DIP2B: variants seen among roughly 807,000 people sequenced by gnomAD.
The protein encoded by DIP2B is disco-interacting protein 2 homolog B.
DIP2B carries 76 observed loss-of-function variants against 198.0 expected under a neutral mutation model. That is an observed-to-expected ratio of 0.38 (90% CI 0.32 to 0.46). DIP2B has a LOEUF of 0.46. DIP2B is among the 20% of genes least tolerant of loss of function. The pLI is 0.99. For missense variants in DIP2B, 1,559 were observed against 1,978.4 expected (o/e 0.79, Z 4.02); for synonymous variants, 701 against 739.1 (o/e 0.95, Z 0.84).
chr12:50,677,618 G>T (rs1003348582), intron 7 of DIP2B, among the ~76,000 whole-genome samples: 1 of 152,006 alleles, frequency 6.6e-6, no homozygotes, highest in African/African-American at 2.4e-5. Flanking sequence ...CTGTCGTGGG[G>T]GTAGGGAAGG....
intron 5 of DIP2B, among the ~76,000 whole-genome samples, chr12:50,671,985 G>C (rs985278263): frequency 3.9e-5 from 6 of 152,146 alleles, no homozygotes; most frequent in African/African-American, 1.2e-4. Context: ...TATGTTTTGT[G>C]TGTGTGTTTT....
intron 35 of DIP2B, among the ~76,000 whole-genome samples, chr12:50,738,516 C>T (rs369248393): frequency 7.9e-5 from 12 of 152,092 alleles, no homozygotes; most frequent in Non-Finnish European, 1.6e-4. Flanking sequence ...CAGTGTATTG[C>T]TCTGTCACCC....
Position 50,714,602 on chromosome 12 carries a change from A to C in DIP2B, c.2851+6A>C. On this transcript the variant is annotated splice_donor_region_variant and intron_variant, in intron 23 of 37. Transcript: ENST00000301180. ...GCCCCGGCAAAAACAACCAGGTAATATGCTGGCTTCCAAGACCTGGCACTA... is the reference window on the plus strand; with the variant it reads ...GCCCCGGCAAAAACAACCAGGTAATCTGCTGGCTTCCAAGACCTGGCACTA... 1 of 1,613,990 alleles carries C rather than the reference A, an allele frequency of 6.2e-7. No individual in the cohort carries two copies. The highest frequency in any genetic ancestry group is 8.5e-7 in the Non-Finnish European group (1 of 1,179,884).
At chr12:50,625,213 G>A (rs538968431) in intron 1 of DIP2B, among the ~76,000 whole-genome samples, 15 of 152,136 alleles carry the variant, frequency 9.9e-5, no homozygotes, top group Admixed American at 7.8e-4. Flanking sequence ...ACGTCCTCTT[G>A]TTTCTCTGCA....
At position 50,592,077 on chromosome 12, in the gene DIP2B, C is replaced by T. The variant is rs558417397; in HGVS notation, c.101-33899C>T. 2.6e-5 allele frequency among the ~76,000 whole-genome samples: 4 copies of T among 151,974 alleles called. No individual in the cohort carries two copies. The South Asian group carries it at 8.3e-4, about 32-fold the overall frequency. ...GTTTTTAGTAGAGACGGGGGTCTCA[C>T]CGTGTTGACCAGGCTGGTCTCGAAC... On this transcript the variant is annotated intron_variant, in intron 1 of 37. Coordinates refer to ENST00000301180, the MANE Select transcript of DIP2B (RefSeq NM_173602.3).
chr12:50,685,715 T>C (rs1179675506), intron 10 of DIP2B, 118 bp from the exon 11 acceptor site: 3 of 1,164,120 alleles, frequency 2.6e-6, no homozygotes, highest in Non-Finnish European at 3.5e-6. Flanking sequence ...TGCCAGATAT[T>C]GGTGGGGCTC....
At chr12:50,556,821 T>G (rs1958475925) in intron 1 of DIP2B, among the ~76,000 whole-genome samples, 1 of 152,114 alleles carries the variant, frequency 6.6e-6, no homozygotes, top group Non-Finnish European at 1.5e-5. Flanking sequence ...GTGATTCTCC[T>G]GCCTCAGCCT....
chr12:50,527,297 A>T (rs1256549359), intron 1 of DIP2B, among the ~76,000 whole-genome samples: 2 of 152,218 alleles, frequency 1.3e-5, no homozygotes, highest in Non-Finnish European at 2.9e-5. Flanking sequence ...AACATGTCCA[A>T]CTGTACACAC....
At chr12:50,511,661 G>A (rs12817977) in intron 1 of DIP2B, among the ~76,000 whole-genome samples, 2 of 150,768 alleles carry the variant, frequency 1.3e-5, no homozygotes, top group African/African-American at 4.9e-5. Flanking sequence ...TTTTAAAGTA[G>A]AAATGAGGCC....
At chr12:50,514,389 A>G (rs1326310160) in intron 1 of DIP2B, among the ~76,000 whole-genome samples, 2 of 151,996 alleles carry the variant, frequency 1.3e-5, no homozygotes, top group Admixed American at 6.6e-5. Flanking sequence ...CATTCTCACT[A>G]GTTTATAAGG....
intron 22 of DIP2B, 133 bp from the exon 23 acceptor site, chr12:50,714,262 G>C (rs527641160): frequency 1.2e-6 from 1 of 855,484 alleles, no homozygotes; most frequent in East Asian, 2.6e-5. Flanking sequence ...TGGAATCTTA[G>C]TGATCTGCCA....
intron 2 of DIP2B, among the ~76,000 whole-genome samples, chr12:50,629,206 C>T (rs1471562626): frequency 1.3e-5 from 2 of 152,170 alleles, no homozygotes; most frequent in Non-Finnish European, 2.9e-5. Context: ...TCTTACCCTT[C>T]ACTTCCTGCT....
chr12:50,585,466 C>T (rs1958762435), intron 1 of DIP2B, among the ~76,000 whole-genome samples: 1 of 152,122 alleles, frequency 6.6e-6, no homozygotes, highest in Non-Finnish European at 1.5e-5. Flanking sequence ...GACATTTTGG[C>T]AAGGACTCCA....
At chr12:50,519,055 G>A (rs1296786528) in intron 1 of DIP2B, among the ~76,000 whole-genome samples, 3 of 151,866 alleles carry the variant, frequency 2.0e-5, no homozygotes, top group East Asian at 1.9e-4. Flanking sequence ...CAGCTTCTGC[G>A]TTTATTTTTT....
At chr12:50,552,889 T>A (rs1403374417) in intron 1 of DIP2B, among the ~76,000 whole-genome samples, 5 of 152,080 alleles carry the variant, frequency 3.3e-5, no homozygotes, top group Non-Finnish European at 7.4e-5. Context: ...CCCAGAGTCT[T>A]CAGTGGTGCA....
At chr12:50,586,342 C>G (rs546986225) in intron 1 of DIP2B, among the ~76,000 whole-genome samples, 2 of 152,184 alleles carry the variant, frequency 1.3e-5, no homozygotes, top group South Asian at 4.1e-4. Context: ...AGAGGCAGGT[C>G]CAGGCAGATG....
chr12:50,697,132 C>T lies in DIP2B; in HGVS notation c.2005C>T (p.Pro669Ser). Residue 669 changes from proline to serine, a missense_variant, in exon 17 of 38, where the codon CCG becomes TCG. Physicochemically the swap from Pro to Ser is moderately conservative, Grantham distance 74 (BLOSUM62 -1). Coordinates refer to ENST00000301180, the MANE Select transcript of DIP2B (RefSeq NM_173602.3). Reference sequence around the variant, plus strand: ...TGGACTGAAGCCTGAGGCCATCTGTCCGTGCGCCACGTCTGCTGAAGCCAT... The same window carrying T: ...TGGACTGAAGCCTGAGGCCATCTGTTCGTGCGCCACGTCTGCTGAAGCCAT... ...SHGLKPEAICPCATSAEAMTV... is the reference protein window; with the variant it reads ...SHGLKPEAICSCATSAEAMTV... The T allele has an allele frequency of 6.2e-7, 1 of 1,614,112 alleles. No homozygotes were observed. The highest frequency in any genetic ancestry group is 8.5e-7 in the Non-Finnish European group (1 of 1,179,988).
Position 50,695,983 on chromosome 12 carries a change from T to C in DIP2B, c.1933+16T>C, listed in dbSNP as rs754548968. On this transcript the variant is annotated intron_variant, in intron 16 of 37. Coordinates refer to ENST00000301180, the MANE Select transcript of DIP2B (RefSeq NM_173602.3). ...GCTAACCCCTGTGAGTATTTCTTCA[T>C]TGTGGATCTGGGAATATCCTGTGTT... 7 of 1,613,924 alleles carry C rather than the reference T, an allele frequency of 4.3e-6. No individual in the cohort carries two copies. The highest frequency in any genetic ancestry group is 1.7e-5 in the Admixed American group (1 of 60,006).
chr12:50,532,023 G>A (rs1005030269), intron 1 of DIP2B, among the ~76,000 whole-genome samples: 2 of 152,194 alleles, frequency 1.3e-5, no homozygotes, highest in African/African-American at 4.8e-5. Flanking sequence ...GATGGAACGA[G>A]GTCTCCCTGA....
Sources: gnomAD v4.1 joint callset for allele counts (sites outside exome capture counted in the v4.1 genomes callset) on GRCh38, gnomAD v4.1.1 for gene constraint, MANE v1.5 for transcripts, NCBI Gene and HGNC (gene_info 2026-07-23, HGNC 2026-07-21) for gene names.